Variants in ELMO1 observed in about 807,000 individuals in gnomAD.
ELMO1 encodes the protein engulfment and cell motility protein 1.
Under a neutral mutation model 98.9 loss-of-function variants are expected in ELMO1, and 26 were observed. The ratio of observed to expected loss-of-function variants is 0.26; its 90% CI spans 0.19 to 0.36. The LOEUF (loss-of-function observed/expected upper bound fraction) is 0.36. Ranked by LOEUF, ELMO1 falls within the 10% of genes least tolerant of loss-of-function variation. The pLI, the probability that ELMO1 is intolerant of heterozygous loss-of-function variation, is 1.00. For synonymous variants in ELMO1, 346 were observed against 346.0 expected, an observed-to-expected ratio of 1.00 and a Z score of 0.00; for missense variants, 627 against 935.2, an observed-to-expected ratio of 0.67 and a Z score of 4.30.
At chr7:37,260,994 A>G (rs1335892573) in intron 5 of ELMO1, among the ~76,000 whole-genome samples, 1 of 152,240 alleles carries the variant, frequency 6.6e-6, no homozygotes, top group Non-Finnish European at 1.5e-5. Flanking sequence ...AATTCCTTGA[A>G]AAGTGTATTT....
chr7:37,385,333 T>A (rs1044225089), intron 1 of ELMO1, among the ~76,000 whole-genome samples: 1 of 152,172 alleles, frequency 6.6e-6, no homozygotes, highest in Admixed American at 6.5e-5. Flanking sequence ...TGTTCCTCAT[T>A]CCATCTCCCC....
At chr7:37,063,761 C>T (rs556182768) in intron 15 of ELMO1, among the ~76,000 whole-genome samples, 1 of 152,054 alleles carries the variant, frequency 6.6e-6, no homozygotes, top group South Asian at 2.1e-4. Context: ...ATTGAGAAAA[C>T]GCACGTTCAC....
intron 16 of ELMO1, among the ~76,000 whole-genome samples, chr7:36,980,116 C>G (rs568728791): frequency 3.2e-4 from 48 of 152,312 alleles, no homozygotes; most frequent in Non-Finnish European, 1.0e-4. Context: ...TGTCAGATGG[C>G]AACACCTCCA....
At chr7:37,295,372 G>T (rs144298486) in intron 4 of ELMO1, among the ~76,000 whole-genome samples, 17 of 152,224 alleles carry the variant, frequency 1.1e-4, no homozygotes, top group African/African-American at 2.9e-4. Flanking sequence ...GTAGTTTTTT[G>T]ATATGTTTGA....
chr7:37,142,030 C>G (rs1416284303), intron 13 of ELMO1, among the ~76,000 whole-genome samples: 1 of 152,156 alleles, frequency 6.6e-6, no homozygotes, highest in Non-Finnish European at 1.5e-5. Flanking sequence ...GCATTTTATC[C>G]TGATTCATTT....
At chr7:37,074,571 GT>G (rs1412907935) in intron 15 of ELMO1, among the ~76,000 whole-genome samples, 1 of 152,204 alleles carries the variant, frequency 6.6e-6, no homozygotes, top group Non-Finnish European at 1.5e-5. Flanking sequence ...GAATCCTTTT[GT>G]CTTTGCTGTC....
chr7:37,426,200 C>CTGGA (rs1320392043), intron 1 of ELMO1, among the ~76,000 whole-genome samples: 1 of 129,536 alleles, frequency 7.7e-6, no homozygotes, highest in Non-Finnish European at 1.5e-5. Flanking sequence ...GTCACCCAGG[C>CTGGA]TGGAGTACAG....
chr7:36,944,564 G>A (rs1346357659), intron 16 of ELMO1, among the ~76,000 whole-genome samples: 1 of 152,188 alleles, frequency 6.6e-6, no homozygotes, highest in Non-Finnish European at 1.5e-5. Flanking sequence ...AAGTTCTACT[G>A]GTGAATATCA....
intron 13 of ELMO1, among the ~76,000 whole-genome samples, chr7:37,182,677 T>C (rs568416407): frequency 6.6e-6 from 1 of 151,926 alleles, no homozygotes; most frequent in Non-Finnish European, 1.5e-5. Context: ...GCAGTATGGT[T>C]TAGAGTAAAT....
At chr7:37,113,892 C>T (rs907970930) in intron 14 of ELMO1, among the ~76,000 whole-genome samples, 2 of 152,200 alleles carry the variant, frequency 1.3e-5, no homozygotes, top group African/African-American at 4.8e-5. Context: ...GCCTCAGAGA[C>T]ACCAACCCTG....
At chr7:36,877,971 C>T (rs758308152) in intron 19 of ELMO1, 39 bp downstream of exon 19, 83 of 1,509,980 alleles carry the variant, frequency 5.5e-5, no homozygotes, top group South Asian at 1.1e-4. Context: ...AACAACCAAC[C>T]GACCACCACT....
intron 1 of ELMO1, among the ~76,000 whole-genome samples, chr7:37,445,180 C>T (rs1028842550): frequency 6.6e-6 from 1 of 152,238 alleles, no homozygotes; most frequent in African/African-American, 2.4e-5. Flanking sequence ...TCATGGGTTA[C>T]AGCCGTAAGC....
intron 18 of ELMO1, among the ~76,000 whole-genome samples, chr7:36,878,681 A>C (rs977437549): frequency 6.6e-6 from 1 of 152,190 alleles, no homozygotes; most frequent in Non-Finnish European, 1.5e-5. Context: ...GAAATCATCT[A>C]AATAATTCAC....
intron 1 of ELMO1, among the ~76,000 whole-genome samples, chr7:37,403,420 G>C (rs1803615069): frequency 6.6e-6 from 1 of 152,324 alleles, no homozygotes; most frequent in Admixed American, 6.5e-5. Context: ...GTTTCCAGGG[G>C]TTTGGAGGCC....
chr7:37,182,755 C>T (rs1483245980), intron 13 of ELMO1, among the ~76,000 whole-genome samples: 1 of 152,082 alleles, frequency 6.6e-6, no homozygotes, highest in African/African-American at 2.4e-5. Context: ...CCTTCTTACC[C>T]CGTGTGAGAC....
chr7:37,423,329 C>G (rs1804562262), intron 1 of ELMO1, among the ~76,000 whole-genome samples: 1 of 152,192 alleles, frequency 6.6e-6, no homozygotes, highest in Non-Finnish European at 1.5e-5. Flanking sequence ...CCTGTAACCC[C>G]AGCAATTTGG....
intron 7 of ELMO1, among the ~76,000 whole-genome samples, chr7:37,239,840 C>T (rs1018020955): frequency 6.6e-6 from 1 of 152,164 alleles, no homozygotes; most frequent in African/African-American, 2.4e-5. Context: ...CTAAATGCTG[C>T]CTTTGGAGAG....
chr7:37,020,987 T>C (rs1033763281), intron 15 of ELMO1, among the ~76,000 whole-genome samples: 1 of 152,232 alleles, frequency 6.6e-6, no homozygotes, highest in African/African-American at 2.4e-5. Flanking sequence ...GGATAATATA[T>C]TTATGAATTC....
intron 1 of ELMO1, among the ~76,000 whole-genome samples, chr7:37,392,461 T>C (rs1443428058): frequency 2.0e-5 from 3 of 152,216 alleles, no homozygotes; most frequent in Non-Finnish European, 4.4e-5. Flanking sequence ...GCTGAGGCCA[T>C]TCGCATATCT....
Sources: allele counts gnomAD v4.1 joint callset (sites outside exome capture counted in the v4.1 genomes callset), GRCh38; gene constraint gnomAD v4.1.1; transcripts MANE v1.5; gene names NCBI Gene and HGNC (gene_info 2026-07-23, HGNC 2026-07-21).